Variants in MBOAT7 observed in about 807,000 individuals in gnomAD.
MBOAT7 encodes membrane bound acylglycerophosphatidylinositol O-acyltransferase MBOAT7, also known as membrane-bound acylglycerophosphatidylinositol O-acyltransferase MBOAT7.
Under a neutral mutation model 47.4 loss-of-function variants are expected in MBOAT7, and 40 were observed. That is an observed-to-expected ratio of 0.84 (90% confidence interval 0.66 to 1.10). The LOEUF (loss-of-function observed/expected upper bound fraction) is 1.10, where lower values mean the gene tolerates loss of function less well. Ranked by LOEUF, MBOAT7 falls within the 50% of genes least tolerant of loss-of-function variation. The probability of loss-of-function intolerance (pLI) is 0.00; values close to 1 mark genes in which losing one functional copy is unlikely to be tolerated. For synonymous variants in MBOAT7, 361 were observed against 292.0 expected (o/e 1.24, Z -2.41); for missense variants, 680 against 655.6 (o/e 1.04, Z -0.41).
chr19:54,185,135 G>A (rs1293365525), intron 4 of MBOAT7, among the ~76,000 whole-genome samples: 1 of 151,954 alleles, frequency 6.6e-6, no homozygotes, highest in Admixed American at 6.6e-5. Context: ...GCTCGAACCC[G>A]AGAGGCAGAG....
chr19:54,187,012 G>T (rs1017807700), intron 4 of MBOAT7, 149 bp downstream of exon 4: 7 of 956,878 alleles, frequency 7.3e-6, no homozygotes, highest in Non-Finnish European at 1.1e-5. Flanking sequence ...AATGGGGAAT[G>T]CTGTGCCCAG....
At position 54,180,564 on chromosome 19, in the gene MBOAT7, G is replaced by A. The variant is rs964769068; in HGVS notation, c.854+209C>T. The A allele has an allele frequency of 1.5e-4, 83 of 563,708 alleles. No individual in the cohort carries two copies. Among genetic ancestry groups the A allele is most frequent in the South Asian group, 1.4e-3 (60 of 41,632 alleles). 34.9% of individuals were successfully genotyped at this position (563,708 alleles called of 1,614,324 possible). A position where few individuals can be genotyped will look rare whatever the true frequency, so the allele number is the denominator to read the frequency against. On this transcript the variant is annotated intron_variant, in intron 6 of 7. Coordinates refer to ENST00000245615, the MANE Select transcript of MBOAT7 (RefSeq NM_024298.5). This position sits in a 1 kb window ranked among gnomAD's most constrained non-coding sequence, Gnocchi z 5.2. The stretch of plus-strand genomic sequence containing the variant: ...TTCACCACACTGCGGGGTGACAAGC[G>A]CTAGCAACAAGGGGCATCTGTCAGT...
intron 5 of MBOAT7, among the ~76,000 whole-genome samples, chr19:54,182,426 G>A (rs1425825585): frequency 2.0e-5 from 3 of 151,706 alleles, no homozygotes; most frequent in Non-Finnish European, 4.4e-5. Context: ...AAACTGTTCT[G>A]AATATAACTA....
At chr19:54,182,348 A>C (rs1011262575) in intron 5 of MBOAT7, among the ~76,000 whole-genome samples, 1 of 152,178 alleles carries the variant, frequency 6.6e-6, no homozygotes, top group Non-Finnish European at 1.5e-5. Context: ...TAGAAAGTCA[A>C]TTACTGGTTA....
chr19:54,181,042 G>A lies in MBOAT7; in HGVS notation c.585C>T (p.Ala195=). Residue 195 remains alanine, a synonymous_variant, in exon 6 of 8, where the codon GCC becomes GCT. Coordinates refer to ENST00000245615, the MANE Select transcript of MBOAT7 (RefSeq NM_024298.5). ...VPSLRPLLRR[A]WPAPLFGLLF... is the part of the protein sequence containing the mutation. ...GCAGGCCGAAGAGCGGGGCCGGCCA[G>A]GCGCGGCGCAGCAGGGGCCGCAGGC... 6.5e-7 allele frequency: 1 copy of A among 1,548,244 alleles called. No homozygotes were observed. The highest frequency in any genetic ancestry group is 8.7e-7 in the Non-Finnish European group (1 of 1,146,516).
In MBOAT7 at chr19:54,181,004, G is replaced by C; in HGVS notation, c.623C>G (p.Ser208Cys). 6.4e-7 allele frequency: 1 copy of C among 1,560,472 alleles called. No individual in the cohort carries two copies. Among genetic ancestry groups the C allele is most frequent in the Non-Finnish European group, 8.7e-7 (1 of 1,152,928 alleles). ...GGCCTCCAGCGGGAAGAGGTGAGAGGAGAGCAGGAACAGCAGGCCGAAGAG... is the reference window on the plus strand; with the variant it reads ...GGCCTCCAGCGGGAAGAGGTGAGAGCAGAGCAGGAACAGCAGGCCGAAGAG... ...APLFGLLFLL[S>C]SHLFPLEAVR... is the part of the protein sequence containing the mutation. Residue 208 changes from serine (S) to cysteine (C), a missense_variant, in exon 6 of 8, where the codon TCC (serine) becomes TGC (cysteine). By Grantham distance (112) the Ser-to-Cys change is moderately radical (BLOSUM62 -1). Transcript: ENST00000245615.
At chr19:54,177,898 C>CTTTTTT (rs2076152527) in intron 7 of MBOAT7, among the ~76,000 whole-genome samples, 2 of 54,038 alleles carry the variant, frequency 3.7e-5, no homozygotes, top group African/African-American at 8.0e-5. Flanking sequence ...AGTTCTACTT[C>CTTTTTT]TGTTTTTTTT....
chr19:54,181,753 GGGAAGGAA>G (rs1482220227), intron 5 of MBOAT7, among the ~76,000 whole-genome samples: 1 of 24,018 alleles, frequency 4.2e-5, no homozygotes. Flanking sequence ...GAGGGAAGGA[GGGAAGGAA>G]GGAGGGAGGG....
Position 54,181,115 on chromosome 19 carries a change from C to T in MBOAT7, c.512G>A (p.Arg171His), listed in dbSNP as rs1002066814. The T allele has an allele frequency of 1.9e-5, 27 of 1,397,216 alleles. No homozygotes were observed. The highest frequency in any genetic ancestry group is 4.3e-4 in the Middle Eastern group (2 of 4,660). 86.6% of individuals were successfully genotyped at this position (1,397,216 alleles called of 1,614,324 possible). The change falls in exon 6 of 8, where the codon CGC becomes CAC. Residue 171 changes from arginine (R) to histidine (H), a missense_variant. Arg to His is a conservative substitution (Grantham distance 29). Coordinates refer to ENST00000245615, the MANE Select transcript of MBOAT7 (RefSeq NM_024298.5). ...GIMTGPFFRY[R>H]TYLDWLEQPF... is the part of the protein sequence containing the mutation. Reference sequence around the variant, plus strand: ...CTGCTCCAGCCAGTCCAGGTAGGTGCGGTAGCGGAAGAACGGGCCTGTGGG... The same window carrying T: ...CTGCTCCAGCCAGTCCAGGTAGGTGTGGTAGCGGAAGAACGGGCCTGTGGG...
At chr19:54,179,686 TA>T (rs1555835412) in intron 6 of MBOAT7, 2 of 152,146 alleles carry the variant, frequency 1.3e-5, no homozygotes, top group Non-Finnish European at 2.9e-5. Flanking sequence ...TTGGCTTTAC[TA>T]GGGGGACATC....
At chr19:54,178,133 A>C (rs1311557650) in intron 7 of MBOAT7, 3 of 618,448 alleles carry the variant, frequency 4.9e-6, no homozygotes, top group African/African-American at 2.0e-5. Context: ...GCTGGTCTCG[A>C]ACTCCTGACC....
chr19:54,174,301 T>G lies in MBOAT7; in HGVS notation c.1162A>C (p.Ser388Arg). 6.2e-7 allele frequency: 1 copy of G among 1,613,144 alleles called. No individual in the cohort carries two copies. The highest frequency in any genetic ancestry group is 8.5e-7 in the Non-Finnish European group (1 of 1,179,490). The change falls in exon 8 of 8, where the codon AGC becomes CGC. Residue 388 changes from serine (S) to arginine (R), a missense_variant. By Grantham distance (110) the Ser-to-Arg change is moderately radical (BLOSUM62 -1). Transcript: ENST00000245615. The stretch of plus-strand genomic sequence containing the variant: ...TCCCAGGCCTTCTGGCCCCCTGGGC[T>G]CAGCCGCCCCCGCAGGGCTGACTCC... ...RLESALRGRL[S>R]PGGQKAWDWV...
chr19:54,181,322 G>C (rs558273583), intron 5 of MBOAT7, among the ~76,000 whole-genome samples, 189 bp from the exon 6 acceptor site: 50 of 152,098 alleles, frequency 3.3e-4, no homozygotes, highest in African/African-American at 1.2e-3. Flanking sequence ...CGAGAGACAG[G>C]GGGGACAAGA....
At chr19:54,175,017 C>G (rs1243591537) in intron 7 of MBOAT7, among the ~76,000 whole-genome samples, 1 of 150,896 alleles carries the variant, frequency 6.6e-6, no homozygotes, top group Non-Finnish European at 1.5e-5. Flanking sequence ...GCTCTGTCGC[C>G]CAGGCTAGAG....
At chr19:54,183,774 G>A in intron 4 of MBOAT7, 94 bp from the exon 5 acceptor site, 1 of 1,287,748 alleles carries the variant, frequency 7.8e-7, no homozygotes, top group Non-Finnish European at 1.0e-6. Context: ...CAGCCAAGGG[G>A]TGCTGGGTGC....
rs1600676110 is a variant in MBOAT7 at position 54,187,163 on chromosome 19, TCAGCGTCAGCAG to T, written c.319_330del (p.Leu107_Leu110del). On this transcript the variant is annotated inframe_deletion, in exon 4 of 8. Transcript: ENST00000245615. The stretch of plus-strand genomic sequence containing the variant: ...GAGTGGCAAGCCCCGAGTCTGACCT[TCAGCGTCAGCAG>T]CAGCTGGACGGCATTGGTGAAGGGC... 6.4e-7 allele frequency: 1 copy of T among 1,564,078 alleles called. No individual in the cohort carries two copies. Among genetic ancestry groups the T allele is most frequent in the Non-Finnish European group, 8.6e-7 (1 of 1,157,300 alleles).
chr19:54,187,571 C>T (rs1461840026), intron 3 of MBOAT7, among the ~76,000 whole-genome samples: 2 of 152,140 alleles, frequency 1.3e-5, no homozygotes, highest in South Asian at 2.1e-4. Context: ...TCTTTATTTC[C>T]GAGGTCCAGG....
chr19:54,177,654 G>A lies in MBOAT7; in HGVS notation c.1031+1111C>T, dbSNP rs185868728. Among the ~76,000 whole-genome samples the A allele has an allele frequency of 3.9e-3, 596 of 152,016 alleles. 6 individuals are homozygous for A. The highest frequency in any genetic ancestry group is 0.012 in the African/African-American group (508 of 41,466). ...GTTGCCCAGGTGACCTTGGCTCACC[G>A]CAACCTCCGCCTCCCGGGTTCAAGT... On this transcript the variant is annotated intron_variant, in intron 7 of 7. Transcript: ENST00000245615.
At chr19:54,174,545 GCCCAGCCCCTCCTCC>G in intron 7 of MBOAT7, 114 bp from the exon 8 acceptor site, 1 of 1,105,520 alleles carries the variant, frequency 9.0e-7, no homozygotes, top group East Asian at 3.0e-5. Context: ...AGAAGTGCAG[GCCCAGCCCCTCCTCC>G]CTCAGACCCA....
Sources: allele counts gnomAD v4.1 joint callset (sites outside exome capture counted in the v4.1 genomes callset), GRCh38; gene constraint gnomAD v4.1.1; non-coding constraint Gnocchi (gnomAD v3.1); transcripts MANE v1.5; gene names NCBI Gene and HGNC (gene_info 2026-07-23, HGNC 2026-07-21).